GRAP2: variants seen among roughly 807,000 people sequenced by gnomAD.
The protein encoded by GRAP2 is GRB2 related adaptor protein 2.
GRAP2 carries 31 observed loss-of-function variants against 43.5 expected under a neutral mutation model. The ratio of observed to expected loss-of-function variants is 0.71; its 90% CI spans 0.54 to 0.96. The LOEUF (loss-of-function observed/expected upper bound fraction) is 0.96, where lower values mean the gene tolerates loss of function less well. Among genes scored for constraint, GRAP2 ranks in the 40% least tolerant of loss-of-function variants. The pLI, the probability that GRAP2 is intolerant of heterozygous loss-of-function variation, is 0.00. For missense variants in GRAP2, 371 were observed against 424.4 expected (o/e 0.87, Z 1.11); for synonymous variants, 156 against 164.8 (o/e 0.95, Z 0.41).
chr22:39,940,971 C>A (rs1204651723), intron 1 of GRAP2, among the ~76,000 whole-genome samples: 5 of 152,120 alleles, frequency 3.3e-5, no homozygotes, highest in Non-Finnish European at 7.4e-5. Context: ...CACCATTGCC[C>A]TCTATTGGAT....
chr22:39,956,036 CCGGAGAGCCTCCAGAGCA>C, intron 3 of GRAP2, 126 bp downstream of exon 3: 1 of 628,386 alleles, frequency 1.6e-6, no homozygotes, highest in Non-Finnish European at 3.0e-6. Flanking sequence ...GGAGCTCTCT[CCGGAGAGCCTCCAGAGCA>C]TGCAGCTGAA....
At chr22:39,936,597 C>G (rs78048860) in intron 1 of GRAP2, among the ~76,000 whole-genome samples, 8,285 of 151,788 alleles carry the variant, frequency 0.055, 322 homozygotes, top group Non-Finnish European at 0.083. Flanking sequence ...AAGAAAAGAA[C>G]TTGGAAAAAG....
intron 1 of GRAP2, among the ~76,000 whole-genome samples, chr22:39,927,239 G>A (rs2066712917): frequency 6.6e-6 from 1 of 152,138 alleles, no homozygotes; most frequent in African/African-American, 2.4e-5. Flanking sequence ...ACAGTGCCCT[G>A]ACTGGACCTC....
intron 1 of GRAP2, among the ~76,000 whole-genome samples, chr22:39,929,611 C>G (rs531229071): frequency 6.6e-6 from 1 of 152,164 alleles, no homozygotes; most frequent in Admixed American, 6.5e-5. Flanking sequence ...AAATGAACTC[C>G]TCCGCATGAC....
chr22:39,912,733 A>T (rs944998393), intron 1 of GRAP2, among the ~76,000 whole-genome samples: 1 of 152,196 alleles, frequency 6.6e-6, no homozygotes, highest in African/African-American at 2.4e-5. Flanking sequence ...GTCACGTGGC[A>T]TGTCACTATA....
chr22:39,969,591 T>A, intron 7 of GRAP2, 58 bp downstream of exon 7: 2 of 1,580,888 alleles, frequency 1.3e-6, no homozygotes, highest in African/African-American at 1.3e-5. Context: ...CAGAGGTCAA[T>A]GGAGGAGATG....
At chr22:39,967,554 G>A (rs750052698) in intron 5 of GRAP2, among the ~76,000 whole-genome samples, 14 of 152,162 alleles carry the variant, frequency 9.2e-5, no homozygotes, top group Non-Finnish European at 1.6e-4. Context: ...CGTCCAGCCC[G>A]GCGGCAGGCC....
chr22:39,964,434 GGA>G lies in GRAP2; in HGVS notation c.291-1553_291-1552del, dbSNP rs2067150903. The G allele has an allele frequency of 1.5e-5, 13 of 878,702 alleles. No homozygotes were observed. The South Asian group carries it at 1.8e-4, about 12-fold the overall frequency. 54.4% of individuals were successfully genotyped at this position (878,702 alleles called of 1,614,324 possible). A position where few individuals can be genotyped will look rare whatever the true frequency, so the allele number is the denominator to read the frequency against. On this transcript the variant is annotated intron_variant, in intron 4 of 7. Coordinates refer to ENST00000344138, the MANE Select transcript of GRAP2 (RefSeq NM_004810.4). ...TGAAACAGCCCAAGAAGCAGGCCAA[GGA>G]GATGGACGAGGAAGAGAAGGCTTTC...
chr22:39,894,995 T>C, the GRAP2 span, among the ~76,000 whole-genome samples: 1 of 152,174 alleles, frequency 6.6e-6, no homozygotes, highest in Non-Finnish European at 1.5e-5. Flanking sequence ...GGACACATCA[T>C]GTGTAAAGGC....
At chr22:39,904,964 C>T (rs111399361) in intron 1 of GRAP2, among the ~76,000 whole-genome samples, 3,220 of 152,160 alleles carry the variant, frequency 0.021, 65 homozygotes, top group South Asian at 0.083. Flanking sequence ...TTTGATTGAA[C>T]GTTTTTTGCA....
At chr22:39,961,615 A>G (rs573157324) in intron 4 of GRAP2, among the ~76,000 whole-genome samples, 3 of 152,300 alleles carry the variant, frequency 2.0e-5, no homozygotes, top group Non-Finnish European at 2.9e-5. Flanking sequence ...CACAGCCCCA[A>G]ACTCAGAAGC....
intron 1 of GRAP2, among the ~76,000 whole-genome samples, chr22:39,930,965 A>T (rs1389571231): frequency 6.6e-6 from 1 of 152,150 alleles, no homozygotes; most frequent in Non-Finnish European, 1.5e-5. Context: ...CCTAGGCTAG[A>T]TTAGGAGCCT....
chr22:39,929,215 G>A (rs1340040907), intron 1 of GRAP2, among the ~76,000 whole-genome samples: 1 of 152,192 alleles, frequency 6.6e-6, no homozygotes, highest in East Asian at 1.9e-4. Flanking sequence ...GAAGTGGGGT[G>A]AAGAGTACAG....
At chr22:39,951,771 C>G (rs533043978) in intron 2 of GRAP2, among the ~76,000 whole-genome samples, 1 of 152,064 alleles carries the variant, frequency 6.6e-6, no homozygotes, top group Non-Finnish European at 1.5e-5. Context: ...ATCTCCCCTC[C>G]CCTCAAATAC....
intron 4 of GRAP2, among the ~76,000 whole-genome samples, chr22:39,962,713 A>T (rs2067132271): frequency 6.6e-6 from 1 of 151,992 alleles, no homozygotes; most frequent in South Asian, 2.1e-4. Context: ...GCTGGAGTGC[A>T]GTGGCGCAAT....
At chr22:39,959,947 T>A in intron 3 of GRAP2, 108 bp from the exon 4 acceptor site, 2 of 983,924 alleles carry the variant, frequency 2.0e-6, no homozygotes, top group Non-Finnish European at 3.2e-6. Context: ...TGCTCCCTAC[T>A]GTACAGAGTC....
chr22:39,894,421 G>A, the GRAP2 span, among the ~76,000 whole-genome samples: 23 of 107,390 alleles, frequency 2.1e-4, no homozygotes, highest in South Asian at 9.0e-3. Flanking sequence ...CTGTTGTGGG[G>A]TGGGGGGAGG....
At chr22:39,950,001 G>T (rs370349681) in intron 2 of GRAP2, among the ~76,000 whole-genome samples, 1 of 152,060 alleles carries the variant, frequency 6.6e-6, no homozygotes, top group Non-Finnish European at 1.5e-5. Context: ...AAAACATCTG[G>T]CCCCAAACCA....
chr22:39,921,857 G>A (rs998837859), intron 1 of GRAP2, among the ~76,000 whole-genome samples: 3 of 152,140 alleles, frequency 2.0e-5, no homozygotes, highest in African/African-American at 4.8e-5. Flanking sequence ...CCAGGCTAGA[G>A]TGCAGTGGCA....
Sources: allele counts gnomAD v4.1 joint callset (sites outside exome capture counted in the v4.1 genomes callset), GRCh38; gene constraint gnomAD v4.1.1; transcripts MANE v1.5; gene names NCBI Gene and HGNC (gene_info 2026-07-23, HGNC 2026-07-21).